Variants in ADGB observed in about 807,000 individuals in gnomAD.
ADGB encodes calpain-7-like protein.
ADGB carries 172 observed loss-of-function variants against 210.5 expected under a neutral mutation model. That is an observed-to-expected ratio of 0.82 (90% CI 0.72 to 0.93). The LOEUF (loss-of-function observed/expected upper bound fraction) is 0.93, where lower values mean the gene tolerates loss of function less well. ADGB is among the 40% of genes least tolerant of loss of function. The pLI is 0.00. For synonymous variants in ADGB, 658 were observed against 662.7 expected (o/e 0.99, Z 0.11); for missense variants, 2,025 against 1,964.8 (o/e 1.03, Z -0.58).
Position 146,635,543 on chromosome 6 carries a change from T to C in ADGB, c.237+6T>C. ...CAGGAAAAAGCCCTGTATTTGTAAG[T>C]AGATGTAAATGTGACTAGGTTTCAT... On this transcript the variant is annotated splice_donor_region_variant and intron_variant, in intron 2 of 35. Transcript: ENST00000397944. The C allele has an allele frequency of 1.3e-6, 2 of 1,523,006 alleles. No individual in the cohort carries two copies. The highest frequency in any genetic ancestry group is 1.3e-5 in the South Asian group (1 of 79,160). 94.3% of individuals were successfully genotyped at this position (1,523,006 alleles called of 1,614,324 possible). A position where few individuals can be genotyped will look rare whatever the true frequency, so the allele number is the denominator to read the frequency against.
chr6:146,750,122 C>T (rs1046939107), intron 26 of ADGB, among the ~76,000 whole-genome samples: 1 of 152,092 alleles, frequency 6.6e-6, no homozygotes, highest in African/African-American at 2.4e-5. Flanking sequence ...GTTGGAAATG[C>T]AGTAGAGGCT....
At chr6:146,814,394 T>C (rs1280670925) in intron 35 of ADGB, among the ~76,000 whole-genome samples, 2 of 152,158 alleles carry the variant, frequency 1.3e-5, no homozygotes, top group African/African-American at 4.8e-5. Context: ...GGTGACTGAA[T>C]AGGAGCAGCT....
intron 3 of ADGB, among the ~76,000 whole-genome samples, chr6:146,648,742 C>G (rs1385416479): frequency 6.6e-6 from 1 of 151,572 alleles, no homozygotes; most frequent in African/African-American, 2.4e-5. Context: ...TATAAGCCAC[C>G]TTTTTAAATA....
chr6:146,773,296 G>A (rs922101002), intron 29 of ADGB, among the ~76,000 whole-genome samples: 10 of 151,604 alleles, frequency 6.6e-5, no homozygotes, highest in South Asian at 4.2e-4. Flanking sequence ...AAAAAAGATC[G>A]TACATACCAA....
chr6:146,793,332 C>T lies in ADGB; in HGVS notation c.4537+4722C>T, dbSNP rs192686733. On this transcript the variant is annotated intron_variant, in intron 33 of 35. Coordinates refer to ENST00000397944, the MANE Select transcript of ADGB (RefSeq NM_024694.4). ...AAAGTTCTCCAAGTCCCCACTTGAC[C>T]CAGGAAGTCAATCTGGCTTCACCTT... Among the ~76,000 whole-genome samples the T allele has an allele frequency of 3.0e-4, 45 of 152,220 alleles. 1 individual carries two copies. In the East Asian group the frequency reaches 7.7e-3, roughly 26 times the overall value.
chr6:146,807,164 C>T (rs1288829295), intron 35 of ADGB, among the ~76,000 whole-genome samples: 1 of 152,120 alleles, frequency 6.6e-6, no homozygotes, highest in Non-Finnish European at 1.5e-5. Context: ...TATGTTTTGA[C>T]TATTTTTTCT....
At chr6:146,807,637 G>C in intron 35 of ADGB, 1 of 1,428,358 alleles carries the variant, frequency 7.0e-7, no homozygotes, top group Non-Finnish European at 9.4e-7. Flanking sequence ...AAATTTATTT[G>C]TAATGATCTT....
intron 9 of ADGB, among the ~76,000 whole-genome samples, chr6:146,678,618 A>T (rs185354535): frequency 5.9e-5 from 9 of 152,308 alleles, no homozygotes; most frequent in Admixed American, 5.9e-4. Context: ...CTGTTTTATT[A>T]ATTTTTTCAA....
intron 29 of ADGB, among the ~76,000 whole-genome samples, chr6:146,775,398 C>A (rs1248792708): frequency 6.6e-6 from 1 of 152,016 alleles, no homozygotes; most frequent in Non-Finnish European, 1.5e-5. Flanking sequence ...GCAACAGTGC[C>A]ACCTTTAGTA....
At chr6:146,753,857 C>G (rs1031863671) in intron 27 of ADGB, among the ~76,000 whole-genome samples, 2 of 151,648 alleles carry the variant, frequency 1.3e-5, no homozygotes, top group African/African-American at 4.8e-5. Context: ...GTTTTTTTCT[C>G]TATGTGCACC....
chr6:146,762,147 A>G (rs1777501465), intron 27 of ADGB, among the ~76,000 whole-genome samples: 1 of 111,940 alleles, frequency 8.9e-6, no homozygotes. Context: ...TTGGGTGGAC[A>G]TATTTTTTTG....
At chr6:146,722,704 T>G (rs1188993068) in intron 17 of ADGB, among the ~76,000 whole-genome samples, 6 of 152,234 alleles carry the variant, frequency 3.9e-5, no homozygotes, top group African/African-American at 1.4e-4. Context: ...TCACTCATGT[T>G]CAGATGATGA....
intron 33 of ADGB, among the ~76,000 whole-genome samples, chr6:146,794,943 G>T (rs547788193): frequency 1.9e-4 from 29 of 152,212 alleles, no homozygotes; most frequent in Non-Finnish European, 4.0e-4. Flanking sequence ...CTACATAAAG[G>T]TCTCCTTGTC....
intron 29 of ADGB, among the ~76,000 whole-genome samples, chr6:146,769,654 G>C (rs1024064853): frequency 6.6e-6 from 1 of 152,078 alleles, no homozygotes; most frequent in African/African-American, 2.4e-5. Context: ...ATCTCCAACA[G>C]CTTTATATCC....
rs1415937807 is a variant in ADGB at position 146,736,506 on chromosome 6, G to C, written c.2803G>C (p.Glu935Gln). Residue 935 changes from glutamate to glutamine, a missense_variant, in exon 23 of 36, where the codon GAA becomes CAA. Transcript: ENST00000397944. Reference protein sequence around the residue: ...LMKARIPDTKENISVADTLQK... With the variant: ...LMKARIPDTKQNISVADTLQK... ...TTTATTATTATTTTTAGACACAAAAGAAAATATCAGTGTTGCAGATACTCT... is the reference window on the plus strand; with the variant it reads ...TTTATTATTATTTTTAGACACAAAACAAAATATCAGTGTTGCAGATACTCT... 39 of 1,527,524 alleles carry C rather than the reference G, an allele frequency of 2.6e-5. No homozygotes were observed. The highest frequency in any genetic ancestry group is 3.4e-5 in the Non-Finnish European group (39 of 1,135,114). 94.6% of individuals were successfully genotyped at this position (1,527,524 alleles called of 1,614,324 possible).
rs1583572090 is a variant in ADGB at position 146,644,512 on chromosome 6, C to A, written c.238-261C>A. ...CAGCATCTCATGCTTGTTTAGGCTA[C>A]CTCCTATACAATCAAAATGCTACTC... On this transcript the variant is annotated intron_variant, in intron 2 of 35. Transcript: ENST00000397944. 2.0e-5 allele frequency among the ~76,000 whole-genome samples: 3 copies of A among 151,908 alleles called. No homozygotes were observed. The Middle Eastern group carries it at 0.01, about 517-fold the overall frequency.
intron 1 of ADGB, among the ~76,000 whole-genome samples, chr6:146,624,610 C>T (rs1463497678): frequency 6.6e-6 from 1 of 151,768 alleles, no homozygotes; most frequent in African/African-American, 2.4e-5. Context: ...TTGATTTCTG[C>T]TTTAATTCTT....
At chr6:146,768,773 A>G (rs1288609667) in intron 28 of ADGB, among the ~76,000 whole-genome samples, 1 of 152,202 alleles carries the variant, frequency 6.6e-6, no homozygotes, top group Admixed American at 6.5e-5. Context: ...ATTTCACTTT[A>G]TACCCACTGC....
At chr6:146,709,828 T>C (rs2114556016) in intron 13 of ADGB, among the ~76,000 whole-genome samples, 1 of 152,322 alleles carries the variant, frequency 6.6e-6, no homozygotes, top group South Asian at 2.1e-4. Flanking sequence ...AAAACTGTCC[T>C]TACTACCTTC....
Sources: allele counts gnomAD v4.1 joint callset (sites outside exome capture counted in the v4.1 genomes callset), GRCh38; gene constraint gnomAD v4.1.1; transcripts MANE v1.5; gene names NCBI Gene and HGNC (gene_info 2026-07-23, HGNC 2026-07-21).